RNF149: variants seen among roughly 807,000 people sequenced by gnomAD.
RNF149 encodes E3 ubiquitin-protein ligase RNF149.
A neutral mutation model predicts 39.0 loss-of-function variants in RNF149; 21 were observed. The ratio of observed to expected loss-of-function variants is 0.54; its 90% CI spans 0.38 to 0.77. The LOEUF (loss-of-function observed/expected upper bound fraction) is 0.77. Among genes scored for constraint, RNF149 ranks in the 30% least tolerant of loss-of-function variants. The pLI, the probability that RNF149 is intolerant of heterozygous loss-of-function variation, is 0.00. For missense variants in RNF149, 493 were observed against 534.9 expected (o/e 0.92, Z 0.77); for synonymous variants, 209 against 213.6 (o/e 0.98, Z 0.19).
downstream of RNF149, among the ~76,000 whole-genome samples, chr2:101,272,143 A>G (rs1000874721): frequency 1.3e-5 from 2 of 152,156 alleles, no homozygotes; most frequent in African/African-American, 2.4e-5. Flanking sequence ...TTATGCAATC[A>G]CTACTGTTCT....
Position 101,281,913 on chromosome 2 carries a change from G to A in RNF149, c.1105C>T (p.Pro369Ser), listed in dbSNP as rs537008842. Residue 369 changes from proline to serine, a missense_variant, in exon 6 of 7, where the codon CCA becomes TCA. Transcript: ENST00000295317. ...PPSASPAESE[P>S]QCDPSFKGDA... is the part of the protein sequence containing the mutation. ...CCTTTAAAGCTGGGATCACACTGTG[G>A]CTCAGATTCAGCAGGGGAGGCTGAT... is the stretch of plus-strand genomic sequence containing the variant. 1.5e-5 allele frequency: 24 copies of A among 1,613,848 alleles called. No homozygotes were observed. Among genetic ancestry groups the A allele is most frequent in the Admixed American group, 3.3e-5 (2 of 59,956 alleles).
downstream of RNF149, among the ~76,000 whole-genome samples, chr2:101,274,994 C>T (rs1441258295): frequency 1.3e-5 from 2 of 151,296 alleles, no homozygotes; most frequent in Non-Finnish European, 2.9e-5. Flanking sequence ...GGGGTTTCTC[C>T]ATGTTGGTCA....
At chr2:101,299,220 C>T (rs1395177431) in intron 1 of RNF149, among the ~76,000 whole-genome samples, 1 of 152,138 alleles carries the variant, frequency 6.6e-6, no homozygotes, top group African/African-American at 2.4e-5. Flanking sequence ...ACACTAAAAC[C>T]ACACTCTAAC....
chr2:101,287,819 G>T (rs1682853012), intron 4 of RNF149, among the ~76,000 whole-genome samples: 1 of 152,080 alleles, frequency 6.6e-6, no homozygotes, highest in Admixed American at 6.6e-5. Context: ...TAAAGTACTT[G>T]GATATATACT....
Position 101,276,100 on chromosome 2 carries a change from A to T in RNF149, c.*1138T>A. Reference sequence around the variant, plus strand: ...TATAATTTTAAAAATTGTTTTAAATAAACATTTATTTTTACCTACAAAGTA... The same window carrying T: ...TATAATTTTAAAAATTGTTTTAAATTAACATTTATTTTTACCTACAAAGTA... On this transcript the variant is annotated 3_prime_UTR_variant, in exon 7 of 7. Coordinates refer to ENST00000295317, the MANE Select transcript of RNF149 (RefSeq NM_173647.4). 1 of 903,130 alleles carries T rather than the reference A, an allele frequency of 1.1e-6. No homozygotes were observed. The highest frequency in any genetic ancestry group is 1.3e-6 in the Non-Finnish European group (1 of 754,942). 55.9% of individuals were successfully genotyped at this position (903,130 alleles called of 1,614,324 possible).
intron 6 of RNF149, among the ~76,000 whole-genome samples, chr2:101,280,176 A>AAAC (rs1553438068): frequency 1.3e-5 from 2 of 148,222 alleles, no homozygotes; most frequent in Non-Finnish European, 3.0e-5. Flanking sequence ...ACTCCATCTC[A>AAAC]AATAATAATA....
intron 4 of RNF149, among the ~76,000 whole-genome samples, chr2:101,287,712 T>C (rs951660079): frequency 2.0e-5 from 3 of 152,238 alleles, no homozygotes; most frequent in Non-Finnish European, 4.4e-5. Context: ...ATGTAAATGT[T>C]TGTAGGTTTA....
downstream of RNF149, among the ~76,000 whole-genome samples, chr2:101,272,316 A>C (rs1027129622): frequency 6.6e-6 from 1 of 152,156 alleles, no homozygotes; most frequent in African/African-American, 2.4e-5. Flanking sequence ...TTTTTTTCCT[A>C]ATGTTTAAAT....
At chr2:101,305,278 C>T (rs1683612076) in intron 1 of RNF149, among the ~76,000 whole-genome samples, 1 of 152,128 alleles carries the variant, frequency 6.6e-6, no homozygotes, top group Non-Finnish European at 1.5e-5. Flanking sequence ...TAAGTCTGAG[C>T]TGTCTTCAAG....
At chr2:101,294,154 A>C in intron 2 of RNF149, 72 bp from the exon 3 acceptor site, 1 of 833,404 alleles carries the variant, frequency 1.2e-6, no homozygotes, top group Non-Finnish European at 2.0e-6. Context: ...AAAAGTCACA[A>C]ATATAATACA....
downstream of RNF149, among the ~76,000 whole-genome samples, chr2:101,272,156 T>A (rs774102497): frequency 6.6e-6 from 1 of 152,206 alleles, no homozygotes; most frequent in Non-Finnish European, 1.5e-5. Flanking sequence ...ACTGTTCTTA[T>A]CAGGAAAATC....
chr2:101,301,819 T>C (rs1683464872), intron 1 of RNF149, among the ~76,000 whole-genome samples: 2 of 152,252 alleles, frequency 1.3e-5, no homozygotes, highest in Non-Finnish European at 1.5e-5. Flanking sequence ...ATGAGTCTAG[T>C]GTACTATTTC....
chr2:101,272,156 T>C (rs774102497), downstream of RNF149, among the ~76,000 whole-genome samples: 10 of 152,206 alleles, frequency 6.6e-5, no homozygotes, highest in Non-Finnish European at 1.2e-4. Flanking sequence ...ACTGTTCTTA[T>C]CAGGAAAATC....
downstream of RNF149, among the ~76,000 whole-genome samples, chr2:101,275,141 G>A (rs1448191718): frequency 4.8e-5 from 5 of 103,682 alleles, no homozygotes; most frequent in South Asian, 3.2e-4. Flanking sequence ...TTTTTGAGGC[G>A]GAGTCTTGCT....
intron 4 of RNF149, among the ~76,000 whole-genome samples, chr2:101,286,901 T>G (rs1230084508): frequency 1.3e-5 from 2 of 152,086 alleles, no homozygotes. Flanking sequence ...CACACCAGGG[T>G]TAGAGGGGCA....
chr2:101,279,515 T>G (rs116070195), intron 6 of RNF149, among the ~76,000 whole-genome samples: 1 of 152,128 alleles, frequency 6.6e-6, no homozygotes, highest in Non-Finnish European at 1.5e-5. Flanking sequence ...CTTTCTGGAG[T>G]TGGAAGGCAA....
downstream of RNF149, among the ~76,000 whole-genome samples, chr2:101,273,961 T>C (rs1402066981): frequency 6.6e-6 from 1 of 152,170 alleles, no homozygotes; most frequent in Non-Finnish European, 1.5e-5. Context: ...AGCTTTTAAA[T>C]TAAGGAACAC....
rs111578331 is a variant in RNF149, at chr2:101,284,276, C to T, written c.960+1805G>A. ...CAGAGTGAAGGCGTTCTGGAACTCA[C>T]ATTTAAAAAACATAATTCAGTGGCC... On this transcript the variant is annotated intron_variant, in intron 5 of 6. Transcript: ENST00000295317. Among the ~76,000 whole-genome samples, 366 of 152,272 alleles carry T rather than the reference C, an allele frequency of 2.4e-3. 1 individual carries two copies. The highest frequency in any genetic ancestry group is 8.2e-3 in the African/African-American group (339 of 41,546).
Position 101,281,928 on chromosome 2 carries a change from G to A in RNF149, c.1090C>T (p.Pro364Ser), listed in dbSNP as rs1026695277. 5.0e-6 allele frequency: 8 copies of A among 1,613,656 alleles called. No individual in the cohort carries two copies. In the Admixed American group the frequency reaches 8.3e-5, roughly 17 times the overall value. Residue 364 changes from proline to serine, a missense_variant, in exon 6 of 7, where the codon CCT (proline) becomes TCT (serine). Physicochemically the swap from Pro to Ser is moderately conservative, Grantham distance 74. Transcript: ENST00000295317. ...TCACACTGTGGCTCAGATTCAGCAG[G>A]GGAGGCTGATGGTGGACTGCTGTCA... ...SDDSSPPSAS[P>S]AESEPQCDPS... is the part of the protein sequence containing the mutation.
Sources: allele counts gnomAD v4.1 joint callset (sites outside exome capture counted in the v4.1 genomes callset), GRCh38; gene constraint gnomAD v4.1.1; transcripts MANE v1.5; gene names NCBI Gene and HGNC (gene_info 2026-07-23, HGNC 2026-07-21).